The following NBAS variants were observed in gnomAD, a reference collection of about 807,000 sequenced individuals.
NBAS encodes the protein NAG/BC035112 fusion.
Under a neutral mutation model 302.5 loss-of-function variants are expected in NBAS, and 219 were observed. The ratio of observed to expected loss-of-function variants is 0.72; its 90% CI spans 0.65 to 0.81. The LOEUF (loss-of-function observed/expected upper bound fraction) is 0.81, where lower values mean the gene tolerates loss of function less well. NBAS is among the 30% of genes least tolerant of loss of function. The pLI is 0.00. For missense variants in NBAS, 2,932 were observed against 2,841.6 expected (o/e 1.03, Z -0.72); for synonymous variants, 1,118 against 1,021.6 (o/e 1.09, Z -1.80).
At chr2:15,370,257 C>T (rs1674418346) in intron 31 of NBAS, among the ~76,000 whole-genome samples, 1 of 152,110 alleles carries the variant, frequency 6.6e-6, no homozygotes, top group Non-Finnish European at 1.5e-5. Context: ...GCCTTGATTT[C>T]ATCATCTGAA....
rs534600282 is a variant in NBAS at position 15,436,260 on chromosome 2, T to C, written c.2340-8466A>G. 2.3e-4 allele frequency among the ~76,000 whole-genome samples: 35 copies of C among 152,346 alleles called. 1 individual carries two copies. In the South Asian group the frequency reaches 6.8e-3, roughly 30 times the overall value. Reference sequence around the variant, plus strand: ...GAGGAAGACTACATAGCTAAGACTATTTGCCTGTAGATAACCCTTTCTGCA... The same window carrying C: ...GAGGAAGACTACATAGCTAAGACTACTTGCCTGTAGATAACCCTTTCTGCA... On this transcript the variant is annotated intron_variant, in intron 21 of 51. Coordinates refer to ENST00000281513, the MANE Select transcript of NBAS (RefSeq NM_015909.4).
the NBAS span, among the ~76,000 whole-genome samples, chr2:15,051,878 G>A: frequency 6.6e-6 from 1 of 152,012 alleles, no homozygotes; most frequent in Admixed American, 6.6e-5. Context: ...TCTAGTCTCA[G>A]AATGTTCAAC....
chr2:14,994,713 C>T, the NBAS span, among the ~76,000 whole-genome samples: 1 of 152,170 alleles, frequency 6.6e-6, no homozygotes, highest in Non-Finnish European at 1.5e-5. Context: ...ATCTTCTTTT[C>T]CCAACCTTAA....
chr2:15,419,370 CATTT>C (rs1677101468), intron 23 of NBAS, among the ~76,000 whole-genome samples: 1 of 150,548 alleles, frequency 6.6e-6, no homozygotes, highest in Non-Finnish European at 1.5e-5. Context: ...TAGAAGAATA[CATTT>C]ATTAAAAGTA....
intron 51 of NBAS, among the ~76,000 whole-genome samples, chr2:15,170,071 T>C (rs1017580527): frequency 2.0e-5 from 3 of 152,224 alleles, no homozygotes; most frequent in Non-Finnish European, 4.4e-5. Flanking sequence ...TGAATACGTC[T>C]TCTAGGCTGG....
chr2:15,308,426 T>G (rs901185740), intron 39 of NBAS, 73 bp from the exon 40 acceptor site: 2 of 1,550,102 alleles, frequency 1.3e-6, no homozygotes, highest in African/African-American at 2.7e-5. Context: ...ATTATATTTC[T>G]AGTCATTCCT....
Position 15,461,637 on chromosome 2 carries a change from T to C in NBAS, c.2202+50A>G. 2.7e-6 allele frequency: 3 copies of C among 1,104,480 alleles called. 1 individual carries two copies. The highest frequency in any genetic ancestry group is 2.6e-5 in the South Asian group (2 of 75,772). 68.4% of individuals were successfully genotyped at this position (1,104,480 alleles called of 1,614,324 possible). A position where few individuals can be genotyped will look rare whatever the true frequency, so the allele number is the denominator to read the frequency against. ...AACATTAACTGCACAGCTCAAAGATTTAGAGAGTGTTAATAACCATAATTA... is the reference window on the plus strand; with the variant it reads ...AACATTAACTGCACAGCTCAAAGATCTAGAGAGTGTTAATAACCATAATTA... On this transcript the variant is annotated intron_variant, in intron 20 of 51. Coordinates refer to ENST00000281513, the MANE Select transcript of NBAS (RefSeq NM_015909.4).
the NBAS span, among the ~76,000 whole-genome samples, chr2:14,840,106 CAG>C: frequency 6.6e-6 from 1 of 151,452 alleles, no homozygotes; most frequent in African/African-American, 2.4e-5. Flanking sequence ...AAAAATCAAA[CAG>C]AAATCTTGGA....
intron 21 of NBAS, among the ~76,000 whole-genome samples, chr2:15,438,815 A>G (rs1678170644): frequency 6.6e-6 from 1 of 152,186 alleles, no homozygotes; most frequent in Non-Finnish European, 1.5e-5. Flanking sequence ...GTCATTGACT[A>G]AGCACTGCTC....
chr2:14,910,934 A>G, the NBAS span, among the ~76,000 whole-genome samples: 1 of 152,224 alleles, frequency 6.6e-6, no homozygotes, highest in African/African-American at 2.4e-5. Flanking sequence ...ATTTACCCGC[A>G]CAGCAGGAAG....
At chr2:14,985,563 T>C in the NBAS span, among the ~76,000 whole-genome samples, 1 of 152,214 alleles carries the variant, frequency 6.6e-6, no homozygotes, top group Non-Finnish European at 1.5e-5. Flanking sequence ...TATAAATCGT[T>C]TCCTCTGAGT....
At chr2:15,089,594 A>G in the NBAS span, among the ~76,000 whole-genome samples, 1 of 152,170 alleles carries the variant, frequency 6.6e-6, no homozygotes, top group Non-Finnish European at 1.5e-5. Flanking sequence ...CAGTACAGTG[A>G]CAGGGTGGGA....
chr2:15,153,457 C>A, the NBAS span, among the ~76,000 whole-genome samples: 1 of 152,276 alleles, frequency 6.6e-6, no homozygotes, highest in African/African-American at 2.4e-5. Flanking sequence ...GATTTTGTCT[C>A]AATTTTCAAA....
At chr2:15,336,248 C>T (rs1018884286) in intron 35 of NBAS, among the ~76,000 whole-genome samples, 3 of 152,238 alleles carry the variant, frequency 2.0e-5, no homozygotes, top group Non-Finnish European at 1.5e-5. Context: ...ATGCACTTAC[C>T]ATAATATATT....
At chr2:15,044,024 G>A in the NBAS span, among the ~76,000 whole-genome samples, 1 of 152,104 alleles carries the variant, frequency 6.6e-6, no homozygotes, top group African/African-American at 2.4e-5. Context: ...TTGACTGGAT[G>A]GATAAATGAA....
the NBAS span, among the ~76,000 whole-genome samples, chr2:14,960,154 C>A: frequency 6.6e-6 from 1 of 152,188 alleles, no homozygotes; most frequent in Non-Finnish European, 1.5e-5. Context: ...TGCAGAGATT[C>A]AAATGCTTTT....
At chr2:14,790,196 C>A in the NBAS span, among the ~76,000 whole-genome samples, 3 of 152,196 alleles carry the variant, frequency 2.0e-5, no homozygotes, top group Admixed American at 1.3e-4. Flanking sequence ...TTTCACACTA[C>A]CCACTTACTG....
chr2:15,396,013 C>T (rs1468860256), intron 27 of NBAS, among the ~76,000 whole-genome samples: 1 of 152,066 alleles, frequency 6.6e-6, no homozygotes, highest in Non-Finnish European at 1.5e-5. Flanking sequence ...GCGTAATAAA[C>T]ATTGTCTGCT....
chr2:14,953,323 AGAG>A, the NBAS span, among the ~76,000 whole-genome samples: 1 of 152,256 alleles, frequency 6.6e-6, no homozygotes, highest in Non-Finnish European at 1.5e-5. Context: ...AAAAGGAATC[AGAG>A]GAGAACAGGT....
Sources: allele counts gnomAD v4.1 joint callset (sites outside exome capture counted in the v4.1 genomes callset), GRCh38; gene constraint gnomAD v4.1.1; transcripts MANE v1.5; gene names NCBI Gene and HGNC (gene_info 2026-07-23, HGNC 2026-07-21).